Variants in FLT1 observed in about 807,000 individuals in gnomAD.
FLT1 encodes vascular endothelial growth factor receptor 1.
A neutral mutation model predicts 156.3 loss-of-function variants in FLT1; 49 were observed. The observed-to-expected ratio is 0.31, with a 90% CI of 0.25 to 0.40. FLT1 has a LOEUF of 0.40. FLT1 is among the 10% of genes least tolerant of loss of function. The pLI, the probability that FLT1 is intolerant of heterozygous loss-of-function variation, is 1.00. For synonymous variants in FLT1, 594 were observed against 583.8 expected (o/e 1.02, Z -0.25); for missense variants, 1,322 against 1,637.2 (o/e 0.81, Z 3.32).
chr13:28,458,502 C>A lies in FLT1; in HGVS notation c.388+8401G>T, dbSNP rs547756885. ...ATGGCCTGAACATTTTACATGTCCACACACCAAGTGCTAAGGATGAAATTA... is the reference window on the plus strand; with the variant it reads ...ATGGCCTGAACATTTTACATGTCCAAACACCAAGTGCTAAGGATGAAATTA... On this transcript the variant is annotated intron_variant, in intron 3 of 29. Coordinates refer to ENST00000282397, the MANE Select transcript of FLT1 (RefSeq NM_002019.4). 2.0e-5 allele frequency among the ~76,000 whole-genome samples: 3 copies of A among 152,272 alleles called. No homozygotes were observed. In the South Asian group the frequency reaches 6.2e-4, roughly 32 times the overall value.
At chr13:28,373,155 A>G (rs1873697050) in intron 14 of FLT1, among the ~76,000 whole-genome samples, 1 of 152,212 alleles carries the variant, frequency 6.6e-6, no homozygotes. Context: ...TTCAGTCAGA[A>G]GACTGTCCCA....
rs1870585855 is a variant in FLT1, at chr13:28,303,209, T to G, written c.3975A>C (p.Pro1325=). ...AGTACAGGACCACCGAGTTGTAGTC[T>G]GGGGGCGGGGAGCAGCACGCGATTT... ...ERKIACCSPP[P]DYNSVVLYST... The change falls in exon 30 of 30, where the codon CCA becomes CCC. Residue 1325 remains proline, a synonymous_variant. Transcript: ENST00000282397. The G allele has an allele frequency of 1.2e-6, 2 of 1,613,076 alleles. No homozygotes were observed. The highest frequency in any genetic ancestry group is 1.7e-6 in the Non-Finnish European group (2 of 1,179,964).
chr13:28,331,205 C>T (rs1417658484), intron 18 of FLT1, among the ~76,000 whole-genome samples: 1 of 152,100 alleles, frequency 6.6e-6, no homozygotes, highest in Admixed American at 6.5e-5. Context: ...GTGGTAGATA[C>T]CAACATGGTA....
chr13:28,416,319 G>A (rs1222358961), intron 10 of FLT1, among the ~76,000 whole-genome samples: 1 of 152,180 alleles, frequency 6.6e-6, no homozygotes, highest in Non-Finnish European at 1.5e-5. Context: ...CTGGTTTTCA[G>A]GATTGTGAGC....
At chr13:28,389,574 G>T (rs2137458481) in intron 13 of FLT1, 1 of 1,438,430 alleles carries the variant, frequency 7.0e-7, no homozygotes, top group Non-Finnish European at 9.1e-7. Flanking sequence ...GGGCCCGGGG[G>T]TCTCATTATT....
intron 13 of FLT1, chr13:28,387,592 G>C: frequency 9.4e-7 from 1 of 1,064,682 alleles, no homozygotes. Flanking sequence ...AGATCTGCCA[G>C]GTCACATAAA....
intron 10 of FLT1, among the ~76,000 whole-genome samples, chr13:28,419,419 GA>G (rs1799857524): frequency 6.6e-6 from 1 of 152,156 alleles, no homozygotes; most frequent in Non-Finnish European, 1.5e-5. Flanking sequence ...TTAGTTTCTA[GA>G]TTCAATAATA....
At chr13:28,472,606 G>A (rs1231344720) in intron 1 of FLT1, among the ~76,000 whole-genome samples, 1 of 152,174 alleles carries the variant, frequency 6.6e-6, no homozygotes, top group Non-Finnish European at 1.5e-5. Context: ...CCCTTATTCT[G>A]TTGAAGTCTT....
intron 10 of FLT1, among the ~76,000 whole-genome samples, chr13:28,425,977 C>T (rs1359179934): frequency 6.6e-6 from 1 of 152,088 alleles, no homozygotes; most frequent in Non-Finnish European, 1.5e-5. Flanking sequence ...CAGCTACTTC[C>T]CAGGAATTCC....
At chr13:28,321,260 G>A (rs1871448588) in intron 23 of FLT1, among the ~76,000 whole-genome samples, 1 of 152,216 alleles carries the variant, frequency 6.6e-6, no homozygotes, top group Non-Finnish European at 1.5e-5. Context: ...AGGCATTAGG[G>A]AAGAGCAGAA....
chr13:28,359,565 A>G (rs1045433516), intron 14 of FLT1, among the ~76,000 whole-genome samples: 7 of 152,246 alleles, frequency 4.6e-5, no homozygotes, highest in Admixed American at 4.6e-4. Flanking sequence ...AACCTTTTGC[A>G]CAGCAAAGGA....
At chr13:28,359,317 A>G (rs1053209794) in intron 14 of FLT1, among the ~76,000 whole-genome samples, 3 of 152,216 alleles carry the variant, frequency 2.0e-5, no homozygotes, top group Admixed American at 6.5e-5. Flanking sequence ...TGGTGTTGGG[A>G]AAACTGGATA....
Position 28,427,931 on chromosome 13 carries a change from A to G in FLT1, c.1107-10T>C. The stretch of plus-strand genomic sequence containing the variant: ...TAACCCATCTTTTAACCTGTGGTTA[A>G]AAACATGATCAGTAAGTCATTTCAC... On this transcript the variant is annotated splice_polypyrimidine_tract_variant and intron_variant, in intron 8 of 29. Transcript: ENST00000282397. The G allele has an allele frequency of 6.2e-7, 1 of 1,613,036 alleles. No individual in the cohort carries two copies. Among genetic ancestry groups the G allele is most frequent in the East Asian group, 2.2e-5 (1 of 44,868 alleles).
At position 28,322,555 on chromosome 13, in the gene FLT1, G is replaced by A; in HGVS notation, c.2954-196C>T. 2.8e-6 allele frequency: 2 copies of A among 721,318 alleles called. No individual in the cohort carries two copies. The highest frequency in any genetic ancestry group is 5.0e-6 in the Non-Finnish European group (2 of 403,082). The allele number at this position is 721,318 out of a possible 1,614,324, so 44.7% of individuals were successfully genotyped here. On this transcript the variant is annotated intron_variant, in intron 21 of 29. Coordinates refer to ENST00000282397, the MANE Select transcript of FLT1 (RefSeq NM_002019.4). The surrounding 1 kb of genome is among the most constrained non-coding windows in gnomAD (Gnocchi z 4.3). ...CAGCCCACTTTATCCAAGCATGGGG[G>A]CAGGGGGATGATCCATTAAGATGAA...
intron 3 of FLT1, among the ~76,000 whole-genome samples, chr13:28,446,030 A>T (rs1179287161): frequency 6.6e-6 from 1 of 152,240 alleles, no homozygotes; most frequent in South Asian, 2.1e-4. Context: ...TTACTATATC[A>T]TGTCAATAGA....
intron 24 of FLT1, among the ~76,000 whole-genome samples, chr13:28,318,272 G>A (rs1469950008): frequency 1.3e-5 from 2 of 152,160 alleles, no homozygotes; most frequent in East Asian, 3.9e-4. Context: ...GAGGGAAGGG[G>A]GGCTTTGCGC....
chr13:28,450,212 C>T (rs1224599919), intron 3 of FLT1, among the ~76,000 whole-genome samples: 1 of 152,290 alleles, frequency 6.6e-6, no homozygotes, highest in Admixed American at 6.5e-5. Context: ...CACAAGAATG[C>T]TCATGTTGAT....
At chr13:28,375,216 A>C (rs1162085980) in intron 14 of FLT1, among the ~76,000 whole-genome samples, 1 of 152,226 alleles carries the variant, frequency 6.6e-6, no homozygotes, top group African/African-American at 2.4e-5. Context: ...ATTCTTCATA[A>C]ATAGCTTCTA....
Position 28,431,330 on chromosome 13 carries a change from C to A in FLT1, c.814-20G>T, listed in dbSNP as rs1168666274. On this transcript the variant is annotated intron_variant, in intron 6 of 29. Coordinates refer to ENST00000282397, the MANE Select transcript of FLT1 (RefSeq NM_002019.4). ...ATTTTTCTAGAAAGAAAATGTATAA[C>A]AAATGTAGAAGGAGTGAGTGTTCAT... 1.3e-6 allele frequency: 2 copies of A among 1,588,044 alleles called. No individual in the cohort carries two copies. Among genetic ancestry groups the A allele is most frequent in the East Asian group, 2.2e-5 (1 of 44,734 alleles).
Sources: gnomAD v4.1 joint callset for allele counts (sites outside exome capture counted in the v4.1 genomes callset) on GRCh38, gnomAD v4.1.1 for gene constraint, Gnocchi (gnomAD v3.1) non-coding constraint, MANE v1.5 for transcripts, NCBI Gene and HGNC (gene_info 2026-07-23, HGNC 2026-07-21) for gene names.